Variants in NOS1 observed in about 807,000 individuals in gnomAD.
NOS1 encodes NOS type I.
A neutral mutation model predicts 164.5 loss-of-function variants in NOS1; 51 were observed. The observed-to-expected ratio is 0.31, with a 90% confidence interval of 0.25 to 0.39. NOS1 has a LOEUF of 0.39. NOS1 is among the 10% of genes least tolerant of loss of function. The probability of loss-of-function intolerance (pLI) is 1.00; values close to 1 mark genes in which losing one functional copy is unlikely to be tolerated. For synonymous variants in NOS1, 719 were observed against 745.8 expected (o/e 0.96, Z 0.59); for missense variants, 1,362 against 1,885.6 (o/e 0.72, Z 5.14).
Position 117,281,823 on chromosome 12 carries a change from C to T in NOS1, c.1383-957G>A, listed in dbSNP as rs1414287563. On this transcript the variant is annotated intron_variant, in intron 7 of 28. Coordinates refer to ENST00000317775, the MANE Select transcript of NOS1 (RefSeq NM_000620.5). ...CCAGCCTGGCAACAGAGCAAGACTC[C>T]CATCTCAAAAAAAGAAAAAAAAAAA... 2.3e-5 allele frequency among the ~76,000 whole-genome samples: 3 copies of T among 129,772 alleles called. No homozygotes were observed. In the East Asian group the frequency reaches 6.7e-4, roughly 29 times the overall value. 85.1% of individuals were successfully genotyped at this position (129,772 alleles called of 152,430 possible).
chr12:117,332,779 C>T (rs144337907), intron 1 of NOS1, among the ~76,000 whole-genome samples: 6 of 152,248 alleles, frequency 3.9e-5, no homozygotes, highest in African/African-American at 7.2e-5. Context: ...GCACAAGAAT[C>T]GCTTGAACCA....
intron 2 of NOS1, among the ~76,000 whole-genome samples, chr12:117,320,191 C>G (rs1350262450): frequency 1.3e-5 from 2 of 152,158 alleles, no homozygotes; most frequent in African/African-American, 4.8e-5. Context: ...ACCCTTGAAC[C>G]TGTATATGTT....
At position 117,222,864 on chromosome 12, in the gene NOS1, C is replaced by T; in HGVS notation, c.3827-1G>A. On this transcript the variant is annotated splice_acceptor_variant, in intron 25 of 28. Transcript: ENST00000317775. LOFTEE classifies it high-confidence loss of function. ...AGGACCATGGGGCAGGGGTTCATTC[C>T]TGGGGACCAGGAAGACCTTATGTCA... 1 of 1,612,814 alleles carries T rather than the reference C, an allele frequency of 6.2e-7. No homozygotes were observed. Among genetic ancestry groups the T allele is most frequent in the Non-Finnish European group, 8.5e-7 (1 of 1,179,412 alleles).
At chr12:117,304,970 T>G (rs1292111923) in intron 3 of NOS1, 2 of 976,186 alleles carry the variant, frequency 2.0e-6, no homozygotes, top group Non-Finnish European at 2.4e-6. Context: ...TCGTCCTGCT[T>G]CAATTGCATT....
rs543488069 is a variant in NOS1, at chr12:117,230,536, A to G, written c.3405+1426T>C. Among the ~76,000 whole-genome samples, 137 of 152,142 alleles carry G rather than the reference A, an allele frequency of 9.0e-4. 1 individual carries two copies. The highest frequency in any genetic ancestry group is 1.5e-3 in the Non-Finnish European group (102 of 68,012). On this transcript the variant is annotated intron_variant, in intron 22 of 28. Coordinates refer to ENST00000317775, the MANE Select transcript of NOS1 (RefSeq NM_000620.5). ...CCTCTTCCTTGCTGCCCACCATTCA[A>G]TCCCCTCTCCTGGACGGCAGAAGAA...
chr12:117,237,599 T>C (rs1212998434), intron 20 of NOS1, among the ~76,000 whole-genome samples: 1 of 151,808 alleles, frequency 6.6e-6, no homozygotes, highest in Non-Finnish European at 1.5e-5. Context: ...AAGCATCACA[T>C]ATACACACAT....
chr12:117,337,980 C>T (rs754329429), intron 1 of NOS1, among the ~76,000 whole-genome samples: 13 of 152,088 alleles, frequency 8.5e-5, no homozygotes, highest in East Asian at 3.9e-4. Context: ...TTTGGGAGGC[C>T]GAGGCAGGTG....
chr12:117,340,476 T>C (rs1876045493), intron 1 of NOS1, among the ~76,000 whole-genome samples: 1 of 152,130 alleles, frequency 6.6e-6, no homozygotes, highest in South Asian at 2.1e-4. Context: ...AGTGCCTACA[T>C]AGATAGGGTG....
At chr12:117,262,545 C>T (rs1872022096) in intron 13 of NOS1, among the ~76,000 whole-genome samples, 1 of 150,784 alleles carries the variant, frequency 6.6e-6, no homozygotes, top group South Asian at 2.1e-4. Context: ...TTGATTGATT[C>T]TATGGGCTCT....
intron 1 of NOS1, among the ~76,000 whole-genome samples, chr12:117,357,520 A>G (rs997657839): frequency 1.8e-4 from 28 of 152,238 alleles, no homozygotes; most frequent in African/African-American, 5.8e-4. Context: ...CTGAGGTTCT[A>G]TCCCAGCTTT....
chr12:117,252,810 C>A (rs1445010215), intron 17 of NOS1, among the ~76,000 whole-genome samples: 1 of 152,214 alleles, frequency 6.6e-6, no homozygotes, highest in Non-Finnish European at 1.5e-5. Context: ...ATCTACTACG[C>A]ATTGCTCTGA....
intron 20 of NOS1, among the ~76,000 whole-genome samples, chr12:117,236,605 C>T (rs1391584929): frequency 6.6e-6 from 1 of 152,048 alleles, no homozygotes; most frequent in Admixed American, 6.6e-5. Context: ...TCCTGGGGAG[C>T]AAAAAGACAA....
At chr12:117,353,862 C>T (rs947276144) in intron 1 of NOS1, among the ~76,000 whole-genome samples, 5 of 152,008 alleles carry the variant, frequency 3.3e-5, no homozygotes, top group African/African-American at 9.7e-5. Context: ...CACTTTGGGA[C>T]GCTGAGGCAG....
At chr12:117,328,352 T>C (rs1333028590) in intron 2 of NOS1, among the ~76,000 whole-genome samples, 4 of 151,998 alleles carry the variant, frequency 2.6e-5, no homozygotes, top group East Asian at 1.9e-4. Context: ...GTATTTTTAG[T>C]GGAGATGGGG....
rs41325949 is a variant in NOS1, at chr12:117,243,647, C to T, written c.2824-212G>A. Among the ~76,000 whole-genome samples the T allele has an allele frequency of 0.017, 2,633 of 150,954 alleles. 93 individuals are homozygous for T. The highest frequency in any genetic ancestry group is 0.059 in the African/African-American group (2,439 of 41,070). On this transcript the variant is annotated intron_variant, in intron 18 of 28. Transcript: ENST00000317775. The surrounding 1 kb of genome is among the most constrained non-coding windows in gnomAD (Gnocchi z 4.3). ...CCTTCCTTTCTTCCCTCTACCCTTT[C>T]GTTGTCTTCCTTCCATCCATTCACC...
At chr12:117,320,416 G>A (rs977344880) in intron 2 of NOS1, among the ~76,000 whole-genome samples, 12 of 152,090 alleles carry the variant, frequency 7.9e-5, no homozygotes, top group Non-Finnish European at 2.9e-5. Flanking sequence ...CAAGCTAAAG[G>A]ATGCAAGGAA....
intron 1 of NOS1, among the ~76,000 whole-genome samples, chr12:117,355,435 T>G (rs1876812149): frequency 6.6e-6 from 1 of 152,124 alleles, no homozygotes; most frequent in Non-Finnish European, 1.5e-5. Flanking sequence ...TTGTGGGAAG[T>G]GCGTCCTGGG....
intron 22 of NOS1, among the ~76,000 whole-genome samples, chr12:117,231,258 C>T (rs1869187964): frequency 6.6e-6 from 1 of 150,894 alleles, no homozygotes; most frequent in African/African-American, 2.4e-5. Flanking sequence ...ATGGAGGTTG[C>T]AGTGAACCGA....
Position 117,285,246 on chromosome 12 carries a change from G to A in NOS1, c.1377C>T (p.Asn459=). The change falls in exon 7 of 29, where the codon AAC becomes AAT. Residue 459 remains asparagine (N), a synonymous_variant. Coordinates refer to ENST00000317775, the MANE Select transcript of NOS1 (RefSeq NM_000620.5). ...TGCCCAGCTGGTCAGCTCACCTGAG[G>A]TTCCCTTTGTTGGTGGCATACTTGA... ...NHVKYATNKG[N]LRSAITIFPQ... is the part of the protein sequence containing the mutation. The A allele has an allele frequency of 6.2e-7, 1 of 1,610,576 alleles. No individual in the cohort carries two copies. Among genetic ancestry groups the A allele is most frequent in the Non-Finnish European group, 8.5e-7 (1 of 1,177,708 alleles).
Sources: gnomAD v4.1 joint callset for allele counts (sites outside exome capture counted in the v4.1 genomes callset) on GRCh38, gnomAD v4.1.1 for gene constraint, Gnocchi (gnomAD v3.1) non-coding constraint, MANE v1.5 for transcripts, NCBI Gene and HGNC (gene_info 2026-07-23, HGNC 2026-07-21) for gene names.